FBXO4: variants seen among roughly 807,000 people sequenced by gnomAD.
The protein encoded by FBXO4 is F-box protein 4.
A neutral mutation model predicts 43.7 loss-of-function variants in FBXO4; 36 were observed. The ratio of observed to expected loss-of-function variants is 0.82; its 90% CI spans 0.63 to 1.09. The LOEUF (loss-of-function observed/expected upper bound fraction) is 1.09. Among genes scored for constraint, FBXO4 ranks in the 50% least tolerant of loss-of-function variants. FBXO4 has a pLI of 0.00. For synonymous variants in FBXO4, 180 were observed against 165.6 expected, an observed-to-expected ratio of 1.09 and a Z score of -0.67; for missense variants, 435 against 474.1, an observed-to-expected ratio of 0.92 and a Z score of 0.77.
chr5:41,992,333 C>T, the FBXO4 span, among the ~76,000 whole-genome samples: 4 of 152,108 alleles, frequency 2.6e-5, no homozygotes, highest in Non-Finnish European at 5.9e-5. Context: ...GGTTTACAAA[C>T]ATTTAGTGGA....
chr5:41,999,850 T>G, the FBXO4 span, among the ~76,000 whole-genome samples: 2 of 151,902 alleles, frequency 1.3e-5, no homozygotes, highest in Non-Finnish European at 2.9e-5. Context: ...CCCATCCCAC[T>G]GACTCAAATG....
chr5:42,024,325 A>G, the FBXO4 span, among the ~76,000 whole-genome samples: 1 of 152,100 alleles, frequency 6.6e-6, no homozygotes, highest in Non-Finnish European at 1.5e-5. Context: ...TGATAAACAC[A>G]TTATAAGAAC....
chr5:41,975,182 A>G, the FBXO4 span, among the ~76,000 whole-genome samples: 1 of 152,198 alleles, frequency 6.6e-6, no homozygotes. Flanking sequence ...CTTAGCTTCT[A>G]TTAATTTATT....
the FBXO4 span, chr5:41,952,241 T>C: frequency 6.5e-6 from 1 of 154,450 alleles, no homozygotes; most frequent in Non-Finnish European, 1.4e-5. Context: ...AACAACTCCA[T>C]ATGGATCTCT....
chr5:42,022,353 C>T, the FBXO4 span, among the ~76,000 whole-genome samples: 2 of 152,114 alleles, frequency 1.3e-5, no homozygotes, highest in African/African-American at 4.8e-5. Flanking sequence ...ATTGTAAGTG[C>T]CCAGCCAGTG....
At chr5:41,950,405 G>A in the FBXO4 span, among the ~76,000 whole-genome samples, 3 of 152,096 alleles carry the variant, frequency 2.0e-5, no homozygotes, top group African/African-American at 7.2e-5. Context: ...GTGGGCAAAG[G>A]ATAAGATCAG....
At chr5:41,995,310 T>C in the FBXO4 span, among the ~76,000 whole-genome samples, 1 of 152,192 alleles carries the variant, frequency 6.6e-6, no homozygotes. Context: ...GGAGTAAGTG[T>C]TCATTCCAAT....
chr5:42,009,218 C>T, the FBXO4 span, among the ~76,000 whole-genome samples: 1 of 152,068 alleles, frequency 6.6e-6, no homozygotes, highest in East Asian at 1.9e-4. Context: ...TTATTTGCTC[C>T]CTGTTTCTCC....
the FBXO4 span, among the ~76,000 whole-genome samples, chr5:42,003,888 G>T: frequency 1.6e-4 from 25 of 152,142 alleles, no homozygotes; most frequent in Non-Finnish European, 3.4e-4. Flanking sequence ...TATACCCAAA[G>T]AATTATAAAT....
At chr5:41,997,513 G>A in the FBXO4 span, among the ~76,000 whole-genome samples, 1 of 152,152 alleles carries the variant, frequency 6.6e-6, no homozygotes, top group African/African-American at 2.4e-5. Context: ...CAGTGTGGGG[G>A]TTCTGTCAAC....
At chr5:42,016,148 A>G in the FBXO4 span, among the ~76,000 whole-genome samples, 2 of 152,200 alleles carry the variant, frequency 1.3e-5, no homozygotes, top group African/African-American at 4.8e-5. Flanking sequence ...TTAATTTTCA[A>G]TCATTAGCCA....
the FBXO4 span, among the ~76,000 whole-genome samples, chr5:42,016,070 A>C: frequency 6.6e-6 from 1 of 152,198 alleles, no homozygotes; most frequent in South Asian, 2.1e-4. Flanking sequence ...GGAAGCACAA[A>C]GAAAAGATGG....
At chr5:41,934,339 A>G (rs111700938) in intron 5 of FBXO4, 31 bp downstream of exon 5, 11 of 1,613,436 alleles carry the variant, frequency 6.8e-6, no homozygotes, top group Middle Eastern at 1.6e-4. Context: ...TTTTAAGCAC[A>G]TTGTTCTTTT....
the FBXO4 span, among the ~76,000 whole-genome samples, chr5:42,029,116 G>T: frequency 4.0e-5 from 6 of 151,874 alleles, no homozygotes; most frequent in Non-Finnish European, 7.4e-5. Context: ...GGCTTTTCCT[G>T]TAGGACAGGT....
intron 6 of FBXO4, 100 bp from the exon 7 acceptor site, chr5:41,941,092 A>T: frequency 1.2e-6 from 1 of 832,930 alleles, no homozygotes; most frequent in Non-Finnish European, 1.9e-6. Flanking sequence ...GATTTTTAAA[A>T]GTTCTGTTAT....
the FBXO4 span, among the ~76,000 whole-genome samples, chr5:42,005,880 C>A: frequency 6.6e-6 from 1 of 152,064 alleles, no homozygotes; most frequent in African/African-American, 2.4e-5. Context: ...TTTAAAAAAA[C>A]CAGTGACCCG....
At chr5:42,016,257 C>T in the FBXO4 span, among the ~76,000 whole-genome samples, 7 of 152,008 alleles carry the variant, frequency 4.6e-5, no homozygotes, top group Non-Finnish European at 2.9e-5. Flanking sequence ...TTGCTCTGTT[C>T]TGAGTAATGA....
At chr5:42,032,038 ACTCT>A in the FBXO4 span, among the ~76,000 whole-genome samples, 7 of 114,496 alleles carry the variant, frequency 6.1e-5, no homozygotes, top group Admixed American at 2.5e-4. Context: ...TCTCTCTCTC[ACTCT>A]CTCTGTCTTT....
At chr5:41,985,144 T>C in the FBXO4 span, among the ~76,000 whole-genome samples, 2 of 152,216 alleles carry the variant, frequency 1.3e-5, no homozygotes, top group Admixed American at 6.5e-5. Flanking sequence ...AGCCTTGTGA[T>C]TTTTCTATCG....
Sources: allele counts gnomAD v4.1 joint callset (sites outside exome capture counted in the v4.1 genomes callset), GRCh38; gene constraint gnomAD v4.1.1; transcripts MANE v1.5; gene names NCBI Gene and HGNC (gene_info 2026-07-23, HGNC 2026-07-21).